The following SEMA4D variants were observed in gnomAD, a reference collection of about 807,000 sequenced individuals.
The protein encoded by SEMA4D is semaphorin-4D.
In SEMA4D, 22 loss-of-function variants were observed where a neutral mutation model predicts 74.8. The observed-to-expected ratio is 0.29, with a 90% CI of 0.21 to 0.42. The LOEUF (loss-of-function observed/expected upper bound fraction) is 0.42, where lower values mean the gene tolerates loss of function less well. SEMA4D is among the 10% of genes least tolerant of loss of function. The probability of loss-of-function intolerance (pLI) is 1.00; values close to 1 mark genes in which losing one functional copy is unlikely to be tolerated. For missense variants in SEMA4D, 937 were observed against 1,118.4 expected (o/e 0.84, Z 2.31); for synonymous variants, 445 against 463.7 (o/e 0.96, Z 0.52).
chr9:89,422,827 CCAT>C (rs1291367366), intron 2 of SEMA4D, among the ~76,000 whole-genome samples: 1 of 152,194 alleles, frequency 6.6e-6, no homozygotes, highest in Non-Finnish European at 1.5e-5. Flanking sequence ...TTCCATGGTT[CCAT>C]CATGTCTGTC....
chr9:89,462,312 TC>T (rs1483961482), intron 1 of SEMA4D, among the ~76,000 whole-genome samples: 1 of 152,164 alleles, frequency 6.6e-6, no homozygotes, highest in East Asian at 1.9e-4. Context: ...CTATTATAAT[TC>T]ACAGTAACTA....
At chr9:89,418,450 A>G in intron 2 of SEMA4D, 1 of 984,344 alleles carries the variant, frequency 1.0e-6, no homozygotes, top group Non-Finnish European at 1.2e-6. Context: ...GTGAACCAAA[A>G]AAGTACTATC....
chr9:89,472,287 G>T, intron 1 of SEMA4D: 1 of 405,422 alleles, frequency 2.5e-6, no homozygotes, highest in South Asian at 2.1e-5. Flanking sequence ...ATTTCTGACT[G>T]TCGTAAGAAC....
chr9:89,436,608 T>G (rs1850465212), intron 2 of SEMA4D: 1 of 152,494 alleles, frequency 6.6e-6, no homozygotes, highest in South Asian at 2.1e-4. Context: ...ATTCTCTTCC[T>G]TTTAAACAGC....
intron 9 of SEMA4D, among the ~76,000 whole-genome samples, chr9:89,390,361 GCT>G (rs1839564220): frequency 1.2e-4 from 7 of 56,002 alleles, no homozygotes; most frequent in Middle Eastern, 8.3e-3. Context: ...GGCAGCCACG[GCT>G]GCGGGGCTGC....
At chr9:89,368,966 G>A (rs1023380903) in intron 16 of SEMA4D, 1 of 152,238 alleles carries the variant, frequency 6.6e-6, no homozygotes, top group African/African-American at 2.4e-5. Flanking sequence ...CCAGACAGCT[G>A]TGTTGTAAAG....
chr9:89,442,011 G>A (rs548447240), intron 2 of SEMA4D, among the ~76,000 whole-genome samples: 2 of 152,316 alleles, frequency 1.3e-5, no homozygotes, highest in Admixed American at 6.5e-5. Context: ...GTTATTTAAC[G>A]TGCCTGAAAT....
At chr9:89,485,892 A>G (rs899258777) in intron 1 of SEMA4D, among the ~76,000 whole-genome samples, 1 of 151,870 alleles carries the variant, frequency 6.6e-6, no homozygotes, top group African/African-American at 2.4e-5. Context: ...AGAGCATCGA[A>G]TCACAACTCC....
chr9:89,373,935 A>AGCCT (rs1835448484), downstream of SEMA4D, among the ~76,000 whole-genome samples: 1 of 152,206 alleles, frequency 6.6e-6, no homozygotes, highest in African/African-American at 2.4e-5. Flanking sequence ...AGAACCCTGG[A>AGCCT]GCCTACTCGG....
chr9:89,415,682 G>A (rs903065291), intron 2 of SEMA4D, among the ~76,000 whole-genome samples: 2 of 152,138 alleles, frequency 1.3e-5, no homozygotes, highest in South Asian at 2.1e-4. Flanking sequence ...CTTGATCTTC[G>A]ACTTCCCAGC....
At position 89,477,661 on chromosome 9, in the gene SEMA4D, G is replaced by A. The variant is rs565029012; in HGVS notation, c.-310+20258C>T. The stretch of plus-strand genomic sequence containing the variant: ...GATGTGTGTGTACTTATGCATGCAC[G>A]CATGTGTGTGCATCTGAAAATCGCA... On this transcript the variant is annotated intron_variant, in intron 1 of 15. Coordinates refer to ENST00000422704, the MANE Select transcript of SEMA4D (RefSeq NM_001371194.2). Among the ~76,000 whole-genome samples, 52 of 152,308 alleles carry A rather than the reference G, an allele frequency of 3.4e-4. 1 individual carries two copies. The highest frequency in any genetic ancestry group is 2.1e-3 in the South Asian group (10 of 4,830).
rs1836909316 is a variant in SEMA4D at position 89,381,015 on chromosome 9, G to A, written c.1663+40C>T. 2 of 1,611,920 alleles carry A rather than the reference G, an allele frequency of 1.2e-6. No homozygotes were observed. The highest frequency in any genetic ancestry group is 1.7e-6 in the Non-Finnish European group (2 of 1,178,216). ...CACCGTGAAATGGCTACAAGACCTC[G>A]CCACTCCCAAAGGAAATGGGACGTC... On this transcript the variant is annotated intron_variant, in intron 15 of 15. Transcript: ENST00000422704. This position sits in a 1 kb window ranked among gnomAD's most constrained non-coding sequence, Gnocchi z 4.6.
chr9:89,449,618 T>C, intron 2 of SEMA4D: 1 of 1,165,920 alleles, frequency 8.6e-7, no homozygotes, highest in East Asian at 2.3e-5. Context: ...CGTGACCAAC[T>C]ATAAGATGGG....
chr9:89,487,309 ACAGAAAAAGT>A (rs1157924146), intron 1 of SEMA4D, among the ~76,000 whole-genome samples: 1 of 152,080 alleles, frequency 6.6e-6, no homozygotes, highest in Non-Finnish European at 1.5e-5. Context: ...CTCAACAGAT[ACAGAAAAAGT>A]ATATGAGGAA....
chr9:89,361,856 C>G (rs1748762527), exon 19 of SEMA4D: 1 of 158,670 alleles, frequency 6.3e-6, no homozygotes, highest in Non-Finnish European at 1.4e-5. Flanking sequence ...GGAGTCTCAC[C>G]TTTTCTTGTC....
intron 1 of SEMA4D, among the ~76,000 whole-genome samples, chr9:89,480,412 C>T (rs553153601): frequency 5.0e-4 from 76 of 152,344 alleles, no homozygotes; most frequent in African/African-American, 1.7e-3. Flanking sequence ...CTGTGCCGTG[C>T]GCTCGCATTC....
intron 9 of SEMA4D, among the ~76,000 whole-genome samples, chr9:89,389,352 G>A (rs1424471341): frequency 1.3e-5 from 2 of 152,166 alleles, no homozygotes; most frequent in Admixed American, 6.5e-5. Flanking sequence ...TCCTGCAACC[G>A]CAGAGGTGCT....
intron 2 of SEMA4D, among the ~76,000 whole-genome samples, chr9:89,432,560 G>T (rs1849506319): frequency 6.6e-6 from 1 of 152,190 alleles, no homozygotes; most frequent in Non-Finnish European, 1.5e-5. Context: ...CACCCCGTGG[G>T]GATTTGCAGG....
intron 2 of SEMA4D, among the ~76,000 whole-genome samples, chr9:89,414,247 C>T (rs1446543472): frequency 6.6e-6 from 1 of 152,186 alleles, no homozygotes; most frequent in African/African-American, 2.4e-5. Context: ...TGTGGACTGG[C>T]CAATCTAACA....
Sources: allele counts gnomAD v4.1 joint callset (sites outside exome capture counted in the v4.1 genomes callset), GRCh38; gene constraint gnomAD v4.1.1; non-coding constraint Gnocchi (gnomAD v3.1); transcripts MANE v1.5; gene names NCBI Gene and HGNC (gene_info 2026-07-23, HGNC 2026-07-21).